The following DCUN1D3 variants were observed in gnomAD, a reference collection of about 807,000 sequenced individuals.
The protein encoded by DCUN1D3 is DCN1-like protein 3.
A neutral mutation model predicts 24.8 loss-of-function variants in DCUN1D3; 6 were observed. The observed-to-expected ratio is 0.24, with a 90% CI of 0.13 to 0.48. DCUN1D3 has a LOEUF of 0.48. Among genes scored for constraint, DCUN1D3 ranks in the 20% least tolerant of loss-of-function variants. DCUN1D3 has a pLI of 0.99. For synonymous variants in DCUN1D3, 120 were observed against 144.9 expected (o/e 0.83, Z 1.24); for missense variants, 258 against 379.4 (o/e 0.68, Z 2.66).
rs1006162870 is a variant in DCUN1D3 at position 20,856,129 on chromosome 16, T to G, written c.*3757A>C. 1 of 152,250 alleles carries G rather than the reference T, an allele frequency of 6.6e-6. No individual in the cohort carries two copies. Among genetic ancestry groups the G allele is most frequent in the Non-Finnish European group, 1.5e-5 (1 of 68,054 alleles). The allele number at this position is 152,250 out of a possible 1,614,324, so 9.4% of individuals were successfully genotyped here. A position where few individuals can be genotyped will look rare whatever the true frequency, so the allele number is the denominator to read the frequency against. On this transcript the variant is annotated 3_prime_UTR_variant, in exon 3 of 3. Transcript: ENST00000324344. The stretch of plus-strand genomic sequence containing the variant: ...GCTTTGCTGCACTGAAGACCTCATT[T>G]GGAATCTGGCAAACCAAACATTCTT...
intron 1 of DCUN1D3, among the ~76,000 whole-genome samples, chr16:20,873,190 G>A (rs1455315578): frequency 6.6e-5 from 10 of 151,620 alleles, no homozygotes; most frequent in Non-Finnish European, 4.4e-5. Context: ...TTTTAAGGAA[G>A]TGTTTTTAAA....
intron 1 of DCUN1D3, chr16:20,869,020 G>A (rs1472954026): frequency 6.5e-6 from 1 of 152,824 alleles, no homozygotes; most frequent in African/African-American, 2.4e-5. Flanking sequence ...TCAGCCTCCA[G>A]ACTCTTTCCT....
At chr16:20,861,011 T>C (rs1302457640) in intron 2 of DCUN1D3, among the ~76,000 whole-genome samples, 2 of 152,156 alleles carry the variant, frequency 1.3e-5, no homozygotes, top group South Asian at 2.1e-4. Flanking sequence ...GTCTGGAGGG[T>C]AACCTTCCTG....
intron 1 of DCUN1D3, among the ~76,000 whole-genome samples, chr16:20,891,296 T>C (rs1349647389): frequency 1.3e-5 from 2 of 152,114 alleles, no homozygotes; most frequent in Non-Finnish European, 2.9e-5. Context: ...CCGGCCGATT[T>C]TCTTTAATTA....
intron 1 of DCUN1D3, among the ~76,000 whole-genome samples, chr16:20,867,550 C>G (rs557225447): frequency 6.6e-6 from 1 of 152,370 alleles, no homozygotes; most frequent in South Asian, 2.1e-4. Context: ...TTGTTTGACC[C>G]TAATGGAAGC....
chr16:20,897,212 T>C (rs2081919898), intron 1 of DCUN1D3, among the ~76,000 whole-genome samples: 1 of 152,216 alleles, frequency 6.6e-6, no homozygotes. Flanking sequence ...GAAAAAAGCA[T>C]ATTCTGTTTC....
chr16:20,872,032 A>T (rs2081790859), intron 1 of DCUN1D3, among the ~76,000 whole-genome samples: 1 of 152,182 alleles, frequency 6.6e-6, no homozygotes, highest in Admixed American at 6.5e-5. Context: ...CTTAGGATGG[A>T]GCCTCAGTAG....
chr16:20,863,919 A>G (rs1329101677), intron 1 of DCUN1D3, among the ~76,000 whole-genome samples: 1 of 152,252 alleles, frequency 6.6e-6, no homozygotes, highest in Non-Finnish European at 1.5e-5. Context: ...GGCTAGCCAT[A>G]TGCAGAAGAC....
intron 1 of DCUN1D3, among the ~76,000 whole-genome samples, chr16:20,896,086 T>A (rs2152519445): frequency 6.6e-6 from 1 of 152,324 alleles, no homozygotes; most frequent in Non-Finnish European, 1.5e-5. Flanking sequence ...TTGCCAAACA[T>A]GCCAAACATG....
chr16:20,890,179 C>T (rs2081885916), intron 1 of DCUN1D3, among the ~76,000 whole-genome samples: 1 of 152,170 alleles, frequency 6.6e-6, no homozygotes, highest in Non-Finnish European at 1.5e-5. Flanking sequence ...TTCCTGAGTT[C>T]TATGACTCAT....
chr16:20,894,898 G>C (rs1302240985), intron 1 of DCUN1D3, among the ~76,000 whole-genome samples: 1 of 152,072 alleles, frequency 6.6e-6, no homozygotes, highest in African/African-American at 2.4e-5. Context: ...AAGAATAAGA[G>C]TTTGAGCCAC....
At chr16:20,872,493 T>G (rs1473067820) in intron 1 of DCUN1D3, among the ~76,000 whole-genome samples, 6 of 147,126 alleles carry the variant, frequency 4.1e-5, no homozygotes, top group African/African-American at 1.5e-4. Context: ...AAAAAAAATC[T>G]AAATCCATTA....
intron 1 of DCUN1D3, among the ~76,000 whole-genome samples, chr16:20,889,813 C>T (rs1248110715): frequency 6.6e-6 from 1 of 152,130 alleles, no homozygotes; most frequent in East Asian, 1.9e-4. Flanking sequence ...ACCATGGGCC[C>T]TTATAGTTTC....
intron 1 of DCUN1D3, among the ~76,000 whole-genome samples, chr16:20,889,171 G>A (rs1196275973): frequency 6.8e-6 from 1 of 146,552 alleles, no homozygotes; most frequent in Non-Finnish European, 1.5e-5. Context: ...GTTGCAGTGA[G>A]CTGAGATCGC....
In DCUN1D3 at chr16:20,858,193, T is replaced by C. The variant is rs1414896614; in HGVS notation, c.*1693A>G. On this transcript the variant is annotated 3_prime_UTR_variant, in exon 3 of 3. Transcript: ENST00000324344. The stretch of plus-strand genomic sequence containing the variant: ...AGTACAGTTTTCTGAGGACATACTT[T>C]TTAAATGGAAAAATAACAGGAGGAC... The C allele has an allele frequency of 6.6e-6, 1 of 152,644 alleles. No homozygotes were observed. The highest frequency in any genetic ancestry group is 1.5e-5 in the Non-Finnish European group (1 of 68,046). 9.5% of individuals were successfully genotyped at this position (152,644 alleles called of 1,614,324 possible).
chr16:20,875,438 T>G (rs2081809964), intron 1 of DCUN1D3, among the ~76,000 whole-genome samples: 1 of 152,240 alleles, frequency 6.6e-6, no homozygotes. Context: ...GGAAAGTACA[T>G]GCATTGGATG....
intron 1 of DCUN1D3, among the ~76,000 whole-genome samples, chr16:20,874,699 G>A (rs1006169308): frequency 5.3e-5 from 8 of 152,118 alleles, no homozygotes; most frequent in Admixed American, 2.0e-4. Flanking sequence ...TTTACATGCC[G>A]AAGAGCCTAT....
At chr16:20,871,455 G>C (rs538324893) in intron 1 of DCUN1D3, among the ~76,000 whole-genome samples, 1 of 152,334 alleles carries the variant, frequency 6.6e-6, no homozygotes, top group East Asian at 1.9e-4. Flanking sequence ...TAGGTCACAT[G>C]ACTAAGACCA....
chr16:20,861,980 C>A (rs1399795530), intron 2 of DCUN1D3, 128 bp downstream of exon 2: 1 of 972,542 alleles, frequency 1.0e-6, no homozygotes, highest in Admixed American at 2.8e-5. Flanking sequence ...AGAACCTGAT[C>A]AGAAAAATAA....
Sources: allele counts gnomAD v4.1 joint callset (sites outside exome capture counted in the v4.1 genomes callset), GRCh38; gene constraint gnomAD v4.1.1; transcripts MANE v1.5; gene names NCBI Gene and HGNC (gene_info 2026-07-23, HGNC 2026-07-21).